The following PRKCB variants were observed in gnomAD, a reference collection of about 807,000 sequenced individuals.
PRKCB encodes protein kinase C beta.
Under a neutral mutation model 81.5 loss-of-function variants are expected in PRKCB, and 13 were observed. The ratio of observed to expected loss-of-function variants is 0.16; its 90% CI spans 0.10 to 0.25. PRKCB has a LOEUF of 0.25. PRKCB is among the 10% of genes least tolerant of loss of function. The probability of loss-of-function intolerance (pLI) is 1.00; values close to 1 mark genes in which losing one functional copy is unlikely to be tolerated. For missense variants in PRKCB, 509 were observed against 875.7 expected (o/e 0.58, Z 5.29); for synonymous variants, 335 against 321.4 (o/e 1.04, Z -0.45).
At chr16:24,016,965 G>A (rs952744526) in intron 3 of PRKCB, among the ~76,000 whole-genome samples, 7 of 152,230 alleles carry the variant, frequency 4.6e-5, no homozygotes, top group African/African-American at 1.2e-4. Context: ...AGCTGGTGCT[G>A]TAGGTTGGAA....
At chr16:24,127,672 G>C (rs1348482833) in intron 9 of PRKCB, among the ~76,000 whole-genome samples, 1 of 151,982 alleles carries the variant, frequency 6.6e-6, no homozygotes, top group East Asian at 1.9e-4. Flanking sequence ...AATCACTGGG[G>C]AGCAATGAGA....
chr16:24,139,078 C>T (rs1966877551), intron 9 of PRKCB, among the ~76,000 whole-genome samples: 1 of 152,088 alleles, frequency 6.6e-6, no homozygotes, highest in East Asian at 1.9e-4. Context: ...TCTCAAACCC[C>T]TGACCTGAGG....
At position 24,038,945 on chromosome 16, in the gene PRKCB, G is replaced by T. The variant is rs76491836; in HGVS notation, c.529+3398G>T. Among the ~76,000 whole-genome samples the T allele has an allele frequency of 6.1e-3, 926 of 152,270 alleles. 6 individuals are homozygous for T. Among genetic ancestry groups the T allele is most frequent in the African/African-American group, 0.021 (874 of 41,558 alleles). On this transcript the variant is annotated intron_variant, in intron 5 of 16. Transcript: ENST00000643927. Reference sequence around the variant, plus strand: ...GTCTCCCCCAGATTTGTATCTTAAAGCCTCACCCCCAGTGTGGTGGTATTT... The same window carrying T: ...GTCTCCCCCAGATTTGTATCTTAAATCCTCACCCCCAGTGTGGTGGTATTT...
intron 7 of PRKCB, among the ~76,000 whole-genome samples, chr16:24,103,833 T>C (rs1273975005): frequency 6.6e-6 from 1 of 152,164 alleles, no homozygotes; most frequent in African/African-American, 2.4e-5. Flanking sequence ...GAGGCGGTGT[T>C]TCACTCTTGT....
In PRKCB at chr16:24,215,527, C is replaced by T; in HGVS notation, c.*711C>T. ...ACTACTTGAAAAGGGCATTTGGCAC[C>T]ACTCTCTGAAACAACACAGTCACTC... On this transcript the variant is annotated 3_prime_UTR_variant, in exon 17 of 17. Transcript: ENST00000643927. 1.0e-6 allele frequency: 1 copy of T among 985,720 alleles called. No individual in the cohort carries two copies. Among genetic ancestry groups the T allele is most frequent in the Non-Finnish European group, 1.2e-6 (1 of 829,898 alleles). The allele number at this position is 985,720 out of a possible 1,614,324, so 61.1% of individuals were successfully genotyped here.
At chr16:24,151,605 G>GGA (rs1295212034) in intron 9 of PRKCB, 1 of 351,052 alleles carries the variant, frequency 2.8e-6, no homozygotes, top group Non-Finnish European at 5.7e-6. Context: ...TAGAGGAGGA[G>GGA]ATAACAGCCC....
At chr16:24,103,884 T>C (rs1567375357) in intron 7 of PRKCB, among the ~76,000 whole-genome samples, 1 of 152,306 alleles carries the variant, frequency 6.6e-6, no homozygotes, top group East Asian at 1.9e-4. Context: ...TGGCTCACCA[T>C]AGCCTCCGCC....
At chr16:24,100,263 G>C (rs921753336) in intron 7 of PRKCB, among the ~76,000 whole-genome samples, 1 of 151,776 alleles carries the variant, frequency 6.6e-6, no homozygotes, top group African/African-American at 2.4e-5. Context: ...GATCCTCTTG[G>C]CCGAGGAGGG....
chr16:23,856,221 C>T (rs951056391), intron 2 of PRKCB, among the ~76,000 whole-genome samples: 4 of 152,158 alleles, frequency 2.6e-5, no homozygotes, highest in African/African-American at 7.2e-5. Flanking sequence ...ATCCAACCAA[C>T]GATACTTTAT....
intron 2 of PRKCB, among the ~76,000 whole-genome samples, chr16:23,900,389 C>T (rs1194827921): frequency 6.6e-6 from 1 of 152,132 alleles, no homozygotes; most frequent in Non-Finnish European, 1.5e-5. Flanking sequence ...GGTATTTTTA[C>T]CTCTGTATTA....
intron 2 of PRKCB, among the ~76,000 whole-genome samples, chr16:23,844,787 G>A (rs902624760): frequency 7.9e-5 from 12 of 151,154 alleles, no homozygotes; most frequent in East Asian, 1.9e-4. Flanking sequence ...GATTATAGGC[G>A]TGAGCCACCG....
At chr16:24,165,237 T>C (rs1483817958) in intron 10 of PRKCB, among the ~76,000 whole-genome samples, 1 of 152,146 alleles carries the variant, frequency 6.6e-6, no homozygotes, top group Non-Finnish European at 1.5e-5. Context: ...GCCAGGGTCT[T>C]GCCATGTTGC....
intron 3 of PRKCB, among the ~76,000 whole-genome samples, chr16:23,993,870 A>C (rs1964921669): frequency 6.6e-6 from 1 of 152,172 alleles, no homozygotes; most frequent in South Asian, 2.1e-4. Context: ...AAGCCTACTA[A>C]ATTCTTACTT....
rs200627729 is a variant in PRKCB, at chr16:24,142,922, C to T, written c.1066-11762C>T. Among the ~76,000 whole-genome samples the T allele has an allele frequency of 1.4e-4, 22 of 152,102 alleles. No individual in the cohort carries two copies. In the East Asian group the frequency reaches 4.3e-3, roughly 30 times the overall value. The stretch of plus-strand genomic sequence containing the variant: ...CCCAGCCTCGTCCACAAACCTGCTC[C>T]CTAGTGCTGGGCATGGGATACAGAG... On this transcript the variant is annotated intron_variant, in intron 9 of 16. Coordinates refer to ENST00000643927, the MANE Select transcript of PRKCB (RefSeq NM_002738.7).
At chr16:24,161,398 A>G (rs1967255102) in intron 10 of PRKCB, among the ~76,000 whole-genome samples, 1 of 152,186 alleles carries the variant, frequency 6.6e-6, no homozygotes. Context: ...AAAGAATCAG[A>G]AGGGGGCATA....
chr16:23,836,325 C>T lies in PRKCB; in HGVS notation c.150C>T (p.Cys50=). The change falls in exon 1 of 17, where the codon TGC becomes TGT. Residue 50 remains cysteine (C), a synonymous_variant. Transcript: ENST00000643927. ...TARFFKQPTF[C]SHCTDFIWGF... is the part of the protein sequence containing the mutation. ...GCTTCTTCAAGCAGCCCACCTTCTG[C>T]AGCCACTGCACCGACTTCATCTGGT... The T allele has an allele frequency of 6.2e-7, 1 of 1,603,696 alleles. No individual in the cohort carries two copies. The highest frequency in any genetic ancestry group is 1.1e-5 in the South Asian group (1 of 90,726).
intron 10 of PRKCB, among the ~76,000 whole-genome samples, chr16:24,160,900 C>T (rs758027312): frequency 2.3e-4 from 35 of 152,026 alleles, no homozygotes; most frequent in Non-Finnish European, 4.4e-4. Flanking sequence ...TGTGAATGCC[C>T]GCGGCATGAG....
rs147077383 is a variant in PRKCB at position 24,041,042 on chromosome 16, A to G, written c.529+5495A>G. On this transcript the variant is annotated intron_variant, in intron 5 of 16. Transcript: ENST00000643927. ...GTTTGTGAAGCCTGCGTGTTCATAC[A>G]TGCAACAATAATTTTTTTTGTGTGT... is the stretch of plus-strand genomic sequence containing the variant. Among the ~76,000 whole-genome samples, 285 of 146,538 alleles carry G rather than the reference A, an allele frequency of 1.9e-3. 3 individuals are homozygous for G. Among genetic ancestry groups the G allele is most frequent in the African/African-American group, 6.8e-3 (269 of 39,556 alleles).
intron 5 of PRKCB, among the ~76,000 whole-genome samples, chr16:24,043,129 C>A (rs1007934920): frequency 2.6e-5 from 4 of 152,158 alleles, no homozygotes; most frequent in African/African-American, 9.7e-5. Flanking sequence ...GATGTCACAG[C>A]TGCTGTTGAG....
Sources: gnomAD v4.1 joint callset for allele counts (sites outside exome capture counted in the v4.1 genomes callset) on GRCh38, gnomAD v4.1.1 for gene constraint, MANE v1.5 for transcripts, NCBI Gene and HGNC (gene_info 2026-07-23, HGNC 2026-07-21) for gene names.